NUP160: variants seen among roughly 807,000 people sequenced by gnomAD.
NUP160 encodes nuclear pore complex protein Nup160.
NUP160 carries 94 observed loss-of-function variants against 196.9 expected under a neutral mutation model. The ratio of observed to expected loss-of-function variants is 0.48; its 90% CI spans 0.40 to 0.57. The LOEUF (loss-of-function observed/expected upper bound fraction) is 0.57. Among genes scored for constraint, NUP160 ranks in the 20% least tolerant of loss-of-function variants. The pLI, the probability that NUP160 is intolerant of heterozygous loss-of-function variation, is 0.00. For missense variants in NUP160, 1,638 were observed against 1,748.3 expected (o/e 0.94, Z 1.13); for synonymous variants, 605 against 619.7 (o/e 0.98, Z 0.35).
Position 47,805,822 on chromosome 11 carries a change from G to T in NUP160, c.2606+331C>A, listed in dbSNP as rs553145158. ...AACCTTAGACTATTTAGATAGAAGA[G>T]AGCTGCTTTTTTTTTTGAGAAGGAG... is the stretch of plus-strand genomic sequence containing the variant. On this transcript the variant is annotated intron_variant, in intron 20 of 35. Coordinates refer to ENST00000378460, the Ensembl canonical transcript of NUP160. Among the ~76,000 whole-genome samples the T allele has an allele frequency of 1.2e-4, 18 of 151,970 alleles. 1 individual carries two copies. Among genetic ancestry groups the T allele is most frequent in the Non-Finnish European group, 2.2e-4 (15 of 67,964 alleles).
chr11:47,824,612 A>T (rs138996218), intron 7 of NUP160, among the ~76,000 whole-genome samples: 117 of 152,060 alleles, frequency 7.7e-4, no homozygotes, highest in South Asian at 2.5e-3. Context: ...TATCTCAAAA[A>T]AAAATAAAAT....
In NUP160 at chr11:47,848,328, G is replaced by A; in HGVS notation, c.93C>T (p.Asp31=). The A allele has an allele frequency of 1.9e-6, 3 of 1,613,754 alleles. No homozygotes were observed. The highest frequency in any genetic ancestry group is 2.5e-6 in the Non-Finnish European group (3 of 1,179,960). The change falls in exon 1 of 36, where the codon GAC becomes GAT. Residue 31 remains aspartate, a synonymous_variant. It adds an upstream start codon to the 5' untranslated region. Coordinates refer to ENST00000378460, the Ensembl canonical transcript of NUP160. ...CTCCCGCCGCCGCCATCTTCCCGCC[G>A]TCGCCGCGACGCCCAACGGAACAAA...
chr11:47,836,042 T>C (rs570613402), intron 6 of NUP160, among the ~76,000 whole-genome samples: 1 of 152,060 alleles, frequency 6.6e-6, no homozygotes, highest in South Asian at 2.1e-4. Context: ...AGGTCAGGAG[T>C]TCGAGACCAG....
At chr11:47,811,085 T>C (rs1020657307) in intron 17 of NUP160, among the ~76,000 whole-genome samples, 2 of 152,118 alleles carry the variant, frequency 1.3e-5, no homozygotes, top group African/African-American at 4.8e-5. Context: ...TGATTAGGAC[T>C]ATATATTAGC....
exon 15 of NUP160, chr11:47,813,009 A>G: frequency 1.2e-6 from 2 of 1,612,022 alleles, no homozygotes; most frequent in Non-Finnish European, 1.7e-6. Flanking sequence ...AGCCGGAGGC[A>G]TTTTATAAGA....
intron 34 of NUP160, 45 bp downstream of exon 34, chr11:47,783,028 G>C (rs563317492): frequency 7.1e-6 from 11 of 1,538,580 alleles, no homozygotes; most frequent in South Asian, 2.3e-5. Flanking sequence ...TTGAAAAATC[G>C]TAAGTCAAAC....
intron 17 of NUP160, among the ~76,000 whole-genome samples, chr11:47,811,684 C>T (rs894811902): frequency 1.3e-5 from 2 of 151,928 alleles, no homozygotes; most frequent in Non-Finnish European, 2.9e-5. Context: ...TTAAAATCTA[C>T]TGTTAAGTTC....
chr11:47,847,823 G>A (rs781673623), intron 2 of NUP160, 25 bp downstream of exon 2: 1 of 1,519,178 alleles, frequency 6.6e-7, no homozygotes, highest in Non-Finnish European at 9.1e-7. Flanking sequence ...CCTTCCAGGG[G>A]AGTTTGGCGA....
chr11:47,836,675 T>TTAG (rs1852182317), intron 6 of NUP160, among the ~76,000 whole-genome samples: 2 of 152,104 alleles, frequency 1.3e-5, no homozygotes, highest in Admixed American at 6.6e-5. Flanking sequence ...AGTGTTCCTG[T>TTAG]TAGGTTGATA....
At chr11:47,813,484 T>C in intron 13 of NUP160, 69 bp from the exon 14 acceptor site, 2 of 1,003,850 alleles carry the variant, frequency 2.0e-6, no homozygotes, top group Non-Finnish European at 3.1e-6. Flanking sequence ...AATTGAGATG[T>C]GCATCTTATC....
chr11:47,816,479 A>T (rs917929607), intron 11 of NUP160, among the ~76,000 whole-genome samples: 3 of 152,216 alleles, frequency 2.0e-5, no homozygotes, highest in Admixed American at 2.0e-4. Context: ...TAGTAATTTA[A>T]AGAAGCCTAT....
chr11:47,836,356 C>CA (rs1283655178), intron 6 of NUP160, among the ~76,000 whole-genome samples: 1 of 152,166 alleles, frequency 6.6e-6, no homozygotes, highest in Non-Finnish European at 1.5e-5. Flanking sequence ...TTAGATGAAT[C>CA]TTGAAAACCA....
At chr11:47,800,698 T>C (rs1263668310) in intron 23 of NUP160, among the ~76,000 whole-genome samples, 2 of 152,092 alleles carry the variant, frequency 1.3e-5, no homozygotes, top group Non-Finnish European at 2.9e-5. Context: ...CCAAGGGTTA[T>C]TAAGAGCTAC....
chr11:47,822,187 T>C (rs1565202603), intron 7 of NUP160, 23 bp from the exon 8 acceptor site: 15 of 1,465,922 alleles, frequency 1.0e-5, no homozygotes, highest in Admixed American at 1.7e-5. Context: ...AAGATGATCA[T>C]TTATTACCTG....
chr11:47,787,428 CTTTTT>C (rs145162308), intron 31 of NUP160, among the ~76,000 whole-genome samples: 2 of 130,058 alleles, frequency 1.5e-5, no homozygotes, highest in Non-Finnish European at 3.2e-5. Context: ...AATTCACAAA[CTTTTT>C]TTTTTTTTTT....
intron 23 of NUP160, among the ~76,000 whole-genome samples, chr11:47,800,503 C>T (rs191939558): frequency 3.6e-4 from 55 of 152,000 alleles, no homozygotes; most frequent in African/African-American, 1.2e-3. Flanking sequence ...AGTGATTCTC[C>T]TGTCTCAGGC....
chr11:47,846,161 A>G (rs527490716), intron 2 of NUP160, among the ~76,000 whole-genome samples: 12 of 151,420 alleles, frequency 7.9e-5, no homozygotes, highest in Non-Finnish European at 1.3e-4. Context: ...AAAAAGCAGA[A>G]AGAAAAAAAA....
In NUP160 at chr11:47,837,013, G is replaced by C. The variant is rs554003436; in HGVS notation, c.828-12C>G. 1.0e-5 allele frequency: 16 copies of C among 1,535,494 alleles called. No homozygotes were observed. The South Asian group carries it at 1.8e-4, about 18-fold the overall frequency. ...GCGACTGGTCACCCCTAAAACATAAGACCCAGTTTTAGAGTTTTACTGCTG... is the reference window on the plus strand; with the variant it reads ...GCGACTGGTCACCCCTAAAACATAACACCCAGTTTTAGAGTTTTACTGCTG... On this transcript the variant is annotated splice_polypyrimidine_tract_variant and intron_variant, in intron 5 of 35. Coordinates refer to ENST00000378460, the Ensembl canonical transcript of NUP160.
rs776892845 is a variant in NUP160 at position 47,840,570 on chromosome 11, T to C, written c.333A>G (p.Thr111=). The C allele has an allele frequency of 3.1e-6, 5 of 1,609,156 alleles. No individual in the cohort carries two copies. The South Asian group carries it at 4.4e-5, about 14-fold the overall frequency. ...CCAGTGACTCCTCCATCAGCTCCAA[T>C]GTATCTCCAGAGGTCTTCCTGTTGA... Residue 111 remains threonine, a synonymous_variant, in exon 3 of 36, where the codon ACA becomes ACG. Coordinates refer to ENST00000378460, the Ensembl canonical transcript of NUP160.
Sources: allele counts gnomAD v4.1 joint callset (sites outside exome capture counted in the v4.1 genomes callset), GRCh38; gene constraint gnomAD v4.1.1; transcripts MANE v1.5; gene names NCBI Gene and HGNC (gene_info 2026-07-23, HGNC 2026-07-21).